The following C12orf50 variants were observed in gnomAD, a reference collection of about 807,000 sequenced individuals.
C12orf50 encodes uncharacterized protein C12orf50.
In C12orf50, 35 loss-of-function variants were observed where a neutral mutation model predicts 61.6. The observed-to-expected ratio is 0.57, with a 90% confidence interval of 0.43 to 0.75. C12orf50 has a LOEUF of 0.75. Among genes scored for constraint, C12orf50 ranks in the 30% least tolerant of loss-of-function variants. C12orf50 has a pLI of 0.00. For synonymous variants in C12orf50, 178 were observed against 161.5 expected, an observed-to-expected ratio of 1.10 and a Z score of -0.77; for missense variants, 475 against 488.5, an observed-to-expected ratio of 0.97 and a Z score of 0.26.
chr12:88,013,246 C>T (rs1161421842), intron 3 of C12orf50, among the ~76,000 whole-genome samples: 2 of 152,088 alleles, frequency 1.3e-5, no homozygotes, highest in Non-Finnish European at 2.9e-5. Flanking sequence ...GGCTGCTCTA[C>T]CCAACACTTG....
At chr12:88,012,934 T>A (rs2032166800) in intron 3 of C12orf50, among the ~76,000 whole-genome samples, 1 of 152,002 alleles carries the variant, frequency 6.6e-6, no homozygotes, top group African/African-American at 2.4e-5. Flanking sequence ...CATGGCGTCA[T>A]GAGCCTGTGG....
Position 87,996,576 on chromosome 12 carries a change from A to G in C12orf50, c.360T>C (p.Tyr120=), listed in dbSNP as rs755775893. 1 of 1,608,022 alleles carries G rather than the reference A, an allele frequency of 6.2e-7. No homozygotes were observed. The highest frequency in any genetic ancestry group is 1.7e-5 in the Admixed American group (1 of 59,948). Residue 120 remains tyrosine (Y), a synonymous_variant, in exon 5 of 13, where the codon TAT becomes TAC. Transcript: ENST00000298699. ...EEKRAIKEMC[Y]KSGEYYRFHT... ...AAATGTTTGATTTCTTACCAGATTT[A>G]TAACACATCTCCTTTATTGCTCTTT... is the stretch of plus-strand genomic sequence containing the variant.
At position 87,980,223 on chromosome 12, in the gene C12orf50, A is replaced by G. The variant is rs1000881587; in HGVS notation, c.*108T>C. 3.6e-6 allele frequency: 4 copies of G among 1,111,260 alleles called. No homozygotes were observed. Among genetic ancestry groups the G allele is most frequent in the Non-Finnish European group, 5.4e-6 (4 of 743,438 alleles). 68.8% of individuals were successfully genotyped at this position (1,111,260 alleles called of 1,614,324 possible). A position where few individuals can be genotyped will look rare whatever the true frequency, so the allele number is the denominator to read the frequency against. On this transcript the variant is annotated 3_prime_UTR_variant, in exon 13 of 13. Coordinates refer to ENST00000298699, the MANE Select transcript of C12orf50 (RefSeq NM_152589.3). ...TTTATCATCTTTGGCTATCCACTAC[A>G]TAACATGGAGTACTTGAGTATCTCA...
chr12:87,983,103 C>G lies in C12orf50; in HGVS notation c.1219G>C (p.Glu407Gln), dbSNP rs1420571340. Residue 407 changes from glutamate (E) to glutamine (Q), a missense_variant and splice_region_variant, in exon 12 of 13, where the codon GAG becomes CAG. Physicochemically the swap from Glu to Gln is conservative, Grantham distance 29. Transcript: ENST00000298699. ...TYSKSEKIYP[E>Q]PRRNGSK is the part of the protein sequence containing the mutation. ...ATTAAAACCACTTATAAATAGTTAC[C>G]TGGATATATCTTTTCACTTTTTGAA... 6.5e-7 allele frequency: 1 copy of G among 1,545,076 alleles called. No individual in the cohort carries two copies. Among genetic ancestry groups the G allele is most frequent in the South Asian group, 1.2e-5 (1 of 86,272 alleles).
At chr12:88,026,427 C>T in intron 3 of C12orf50, 61 bp downstream of exon 3, 1 of 1,556,266 alleles carries the variant, frequency 6.4e-7, no homozygotes, top group Non-Finnish European at 8.7e-7. Context: ...TCATTCTATG[C>T]TGCTAGTCCA....
intron 3 of C12orf50, among the ~76,000 whole-genome samples, chr12:87,998,851 CA>C (rs1409869688): frequency 6.6e-6 from 1 of 152,248 alleles, no homozygotes; most frequent in East Asian, 1.9e-4. Flanking sequence ...ATAGACCATT[CA>C]ATGGGGGAAA....
At chr12:87,997,277 C>A (rs2031437188) in intron 4 of C12orf50, among the ~76,000 whole-genome samples, 1 of 151,996 alleles carries the variant, frequency 6.6e-6, no homozygotes, top group African/African-American at 2.4e-5. Context: ...AAATGTGAAA[C>A]TGATATATTA....
In C12orf50 at chr12:87,986,356, A is replaced by T; in HGVS notation, c.878T>A (p.Ile293Asn). The T allele has an allele frequency of 2.5e-6, 4 of 1,611,846 alleles. No homozygotes were observed. The highest frequency in any genetic ancestry group is 3.4e-6 in the Non-Finnish European group (4 of 1,179,124). Residue 293 changes from isoleucine to asparagine, a missense_variant, in exon 10 of 13, where the codon ATT becomes AAT. Ile to Asn is a moderately radical substitution (Grantham distance 149). Coordinates refer to ENST00000298699, the MANE Select transcript of C12orf50 (RefSeq NM_152589.3). ...HFKGVKKRKW[I>N]YDEPQNFPNS... ...AGGAAAGTTCTGTGGTTCATCATAA[A>T]TCCATTTTCTTTTCTTCACACCTTT...
intron 3 of C12orf50, among the ~76,000 whole-genome samples, chr12:88,008,439 T>C (rs1440278694): frequency 6.6e-6 from 1 of 152,122 alleles, no homozygotes; most frequent in Non-Finnish European, 1.5e-5. Context: ...TGTATATGTA[T>C]TAATACCACA....
At chr12:87,986,106 C>A in intron 10 of C12orf50, 53 bp from the exon 11 acceptor site, 1 of 1,536,942 alleles carries the variant, frequency 6.5e-7, no homozygotes, top group Non-Finnish European at 9.0e-7. Context: ...GTTTCACACC[C>A]ATAAATAACA....
chr12:88,006,343 T>C (rs1364371444), intron 3 of C12orf50, among the ~76,000 whole-genome samples: 1 of 152,176 alleles, frequency 6.6e-6, no homozygotes, highest in Admixed American at 6.5e-5. Context: ...CCAATCACCA[T>C]TGTTTTCAGA....
At chr12:87,997,372 A>G (rs1265085381) in intron 4 of C12orf50, among the ~76,000 whole-genome samples, 1 of 152,072 alleles carries the variant, frequency 6.6e-6, no homozygotes, top group Non-Finnish European at 1.5e-5. Context: ...TAGTATCTCT[A>G]TAAGCATCTG....
chr12:88,010,419 TA>T (rs1203036746), intron 3 of C12orf50, among the ~76,000 whole-genome samples: 1 of 125,776 alleles, frequency 8.0e-6, no homozygotes, highest in Non-Finnish European at 1.5e-5. Flanking sequence ...ATTATAAGAT[TA>T]AAATTATTAT....
Position 87,989,254 on chromosome 12 carries a change from T to C in C12orf50, c.700+10A>G, listed in dbSNP as rs2030999017. 1 of 1,552,456 alleles carries C rather than the reference T, an allele frequency of 6.4e-7. No individual in the cohort carries two copies. The highest frequency in any genetic ancestry group is 1.4e-5 in the African/African-American group (1 of 73,314). ...TTACAAATGAATCAAAATTATATAA[T>C]ATTCATTACCTTTAGTATTTGAACA... On this transcript the variant is annotated intron_variant, in intron 8 of 12. Transcript: ENST00000298699.
intron 3 of C12orf50, among the ~76,000 whole-genome samples, chr12:88,002,854 G>T (rs1250279637): frequency 1.1e-4 from 17 of 151,496 alleles, no homozygotes; most frequent in African/African-American, 3.9e-4. Flanking sequence ...TTCTTAGGTT[G>T]CTCTATGGCT....
intron 3 of C12orf50, among the ~76,000 whole-genome samples, chr12:88,016,278 C>T (rs2032307907): frequency 6.6e-6 from 1 of 152,140 alleles, no homozygotes. Flanking sequence ...TTTGTAATAA[C>T]CTCACCCTAA....
chr12:88,012,025 C>A (rs979569481), intron 3 of C12orf50, among the ~76,000 whole-genome samples: 1 of 152,172 alleles, frequency 6.6e-6, no homozygotes, highest in Admixed American at 6.5e-5. Flanking sequence ...TGCTTCACAG[C>A]AAATGACAAA....
chr12:88,027,892 C>A (rs2032764584), intron 1 of C12orf50: 1 of 152,050 alleles, frequency 6.6e-6, no homozygotes, highest in African/African-American at 2.4e-5. Flanking sequence ...TCACTCTCTC[C>A]CCCTTGTTAA....
At chr12:87,987,790 A>G in intron 9 of C12orf50, 60 bp downstream of exon 9, 1 of 1,105,910 alleles carries the variant, frequency 9.0e-7, no homozygotes, top group Non-Finnish European at 1.3e-6. Flanking sequence ...AATAAGCAAA[A>G]CAAATCCATG....
Sources: gnomAD v4.1 joint callset for allele counts (sites outside exome capture counted in the v4.1 genomes callset) on GRCh38, gnomAD v4.1.1 for gene constraint, MANE v1.5 for transcripts, NCBI Gene and HGNC (gene_info 2026-07-23, HGNC 2026-07-21) for gene names.